The following FMNL3 variants were observed in gnomAD, a reference collection of about 807,000 sequenced individuals.
FMNL3 encodes formin-like protein 3.
FMNL3 carries 57 observed loss-of-function variants against 119.6 expected under a neutral mutation model. That is an observed-to-expected ratio of 0.48 (90% CI 0.39 to 0.59). FMNL3 has a LOEUF of 0.59. FMNL3 is among the 20% of genes least tolerant of loss of function. The pLI is 0.00. For synonymous variants in FMNL3, 491 were observed against 507.3 expected (o/e 0.97, Z 0.43); for missense variants, 1,053 against 1,323.5 (o/e 0.80, Z 3.17).
At chr12:49,669,831 CAACAAAACAAAACAA>C (rs58452472) in intron 1 of FMNL3, among the ~76,000 whole-genome samples, 34 of 147,714 alleles carry the variant, frequency 2.3e-4, no homozygotes, top group African/African-American at 6.8e-4. Flanking sequence ...GATTCTATCT[CAACAAAACAAAACAA>C]AACAAAACAA....
intron 1 of FMNL3, 123 bp from the exon 2 acceptor site, chr12:49,668,677 A>C (rs993684306): frequency 2.6e-6 from 2 of 769,300 alleles, no homozygotes; most frequent in African/African-American, 3.5e-5. Context: ...TCCATCGCTG[A>C]TAAGGCAGGC....
At chr12:49,650,566 G>A in intron 17 of FMNL3, 110 bp downstream of exon 17, 1 of 1,223,206 alleles carries the variant, frequency 8.2e-7, no homozygotes, top group Non-Finnish European at 1.2e-6. Context: ...CTAGGGGGAT[G>A]TGAGGGAGTT....
chr12:49,701,522 A>G (rs1944909106), intron 1 of FMNL3, among the ~76,000 whole-genome samples: 1 of 152,242 alleles, frequency 6.6e-6, no homozygotes, highest in African/African-American at 2.4e-5. Context: ...TCATCACAGC[A>G]TTGTTTATGA....
At position 49,707,182 on chromosome 12, in the gene FMNL3, G is replaced by A. The variant is rs767642909; in HGVS notation, c.-2C>T. ...CTCGGCGCTCTCCAGGTTGCCCATCGCGGCGGGGCCCCCTCAGGGGCCTCG... is the reference window on the plus strand; with the variant it reads ...CTCGGCGCTCTCCAGGTTGCCCATCACGGCGGGGCCCCCTCAGGGGCCTCG... On this transcript the variant is annotated 5_prime_UTR_variant, in exon 1 of 26. Transcript: ENST00000335154. 8.4e-6 allele frequency: 13 copies of A among 1,548,064 alleles called. No individual in the cohort carries two copies. Among genetic ancestry groups the A allele is most frequent in the African/African-American group, 2.8e-5 (2 of 71,482 alleles).
chr12:49,687,384 G>T (rs1198358792), intron 1 of FMNL3, among the ~76,000 whole-genome samples: 1 of 151,804 alleles, frequency 6.6e-6, no homozygotes, highest in African/African-American at 2.4e-5. Context: ...GAGCCACCGC[G>T]CCTGGCCCCT....
intron 21 of FMNL3, 64 bp downstream of exon 21, chr12:49,648,965 T>C (rs969466645): frequency 2.1e-5 from 32 of 1,524,700 alleles, no homozygotes; most frequent in Non-Finnish European, 2.6e-5. Flanking sequence ...TCTCTCCTCA[T>C]AGCTTCCTGG....
At chr12:49,694,970 A>C (rs1944713739) in intron 1 of FMNL3, among the ~76,000 whole-genome samples, 1 of 152,158 alleles carries the variant, frequency 6.6e-6, no homozygotes, top group African/African-American at 2.4e-5. Context: ...TGAAGTTAAA[A>C]AACTTTTTCT....
At chr12:49,694,242 A>T (rs976452192) in intron 1 of FMNL3, among the ~76,000 whole-genome samples, 1 of 152,224 alleles carries the variant, frequency 6.6e-6, no homozygotes, top group Non-Finnish European at 1.5e-5. Context: ...TGAAATCAGC[A>T]AGACTTACTC....
At chr12:49,655,614 G>A (rs747615026) in intron 9 of FMNL3, among the ~76,000 whole-genome samples, 1 of 152,150 alleles carries the variant, frequency 6.6e-6, no homozygotes, top group Non-Finnish European at 1.5e-5. Context: ...AGGAGGGAAA[G>A]AAGGAGGAAG....
In FMNL3 at chr12:49,656,860, T is replaced by C; in HGVS notation, c.754A>G (p.Asn252Asp). 1 of 1,614,070 alleles carries C rather than the reference T, an allele frequency of 6.2e-7. No homozygotes were observed. The highest frequency in any genetic ancestry group is 8.5e-7 in the Non-Finnish European group (1 of 1,179,996). Residue 252 changes from asparagine to aspartate, a missense_variant, in exon 8 of 26, where the codon AAT becomes GAT. Physicochemically the swap from Asn to Asp is conservative, Grantham distance 23. Transcript: ENST00000335154. ...TTATTGAGGCTAAGTGCAATCTCAT[T>C]GACAGCATGGGGGTGGGACATGACC... is the stretch of plus-strand genomic sequence containing the variant. ...NLVMSHPHAV[N>D]EIALSLNNKN...
chr12:49,665,379 A>G (rs1182219275), intron 4 of FMNL3, among the ~76,000 whole-genome samples: 1 of 152,176 alleles, frequency 6.6e-6, no homozygotes, highest in Non-Finnish European at 1.5e-5. Flanking sequence ...ATGAACTAAG[A>G]TTATCTTCTC....
Position 49,637,496 on chromosome 12 carries a change from A to G in FMNL3, c.*8319T>C, listed in dbSNP as rs1228373915. ...CCTTCCTGGACGAGCTGCATGAGAC[A>G]GGGCAGCTGCACTCTATGTCCACCT... is the stretch of plus-strand genomic sequence containing the variant. On this transcript the variant is annotated 3_prime_UTR_variant, in exon 26 of 26. Transcript: ENST00000335154. 1 of 1,613,644 alleles carries G rather than the reference A, an allele frequency of 6.2e-7. No homozygotes were observed. The highest frequency in any genetic ancestry group is 1.7e-5 in the Admixed American group (1 of 60,020).
intron 9 of FMNL3, among the ~76,000 whole-genome samples, chr12:49,655,581 G>C (rs180863015): frequency 1.8e-3 from 274 of 152,266 alleles, no homozygotes; most frequent in Middle Eastern, 6.8e-3. Flanking sequence ...ATAGGGGTCT[G>C]ATGCTGCCAA....
intron 1 of FMNL3, among the ~76,000 whole-genome samples, chr12:49,675,285 G>C (rs1288875497): frequency 6.6e-6 from 1 of 152,224 alleles, no homozygotes; most frequent in Non-Finnish European, 1.5e-5. Context: ...ACAGCAACTT[G>C]ATCTGTCTAT....
chr12:49,658,325 G>A, intron 6 of FMNL3, 117 bp downstream of exon 6: 1 of 1,400,244 alleles, frequency 7.1e-7, no homozygotes. Flanking sequence ...CAGAGGGCAA[G>A]AGAGCTGAGC....
Position 49,651,937 on chromosome 12 carries a change from T to A in FMNL3, c.1599A>T (p.Leu533Phe). The change falls in exon 14 of 26, where the codon TTA (leucine) becomes TTT (phenylalanine). Residue 533 changes from leucine (L) to phenylalanine (F), a missense_variant. Coordinates refer to ENST00000335154, the MANE Select transcript of FMNL3 (RefSeq NM_175736.5). ...APPLPPPPPP[L>F]PDKCPPAPPL... The stretch of plus-strand genomic sequence containing the variant: ...CCCAGGGGTCGTCGTGGTTACCTGG[T>A]AATGGGGGAGGTGGAGGGGGCAAGG... 1 of 1,586,286 alleles carries A rather than the reference T, an allele frequency of 6.3e-7. No homozygotes were observed. Among genetic ancestry groups the A allele is most frequent in the Non-Finnish European group, 8.6e-7 (1 of 1,163,598 alleles).
intron 1 of FMNL3, among the ~76,000 whole-genome samples, chr12:49,699,490 T>C (rs527514996): frequency 5.0e-4 from 76 of 152,296 alleles, no homozygotes; most frequent in Middle Eastern, 3.4e-3. Context: ...CCACCTGGAC[T>C]GTCCCAGCTG....
Position 49,642,396 on chromosome 12 carries a change from A to G in FMNL3, c.*3419T>C. On this transcript the variant is annotated 3_prime_UTR_variant, in exon 26 of 26. Transcript: ENST00000335154. This position sits in a 1 kb window ranked among gnomAD's most constrained non-coding sequence, Gnocchi z 5.8. ...AGGTCAGGAGCGTAGCCTGGCCCCA[A>G]GCACCCCTCAAGCCTGAGGGCAGCG... The G allele has an allele frequency of 6.2e-7, 1 of 1,612,118 alleles. No homozygotes were observed. The highest frequency in any genetic ancestry group is 1.1e-5 in the South Asian group (1 of 91,010).
At chr12:49,700,346 C>T (rs1267659614) in intron 1 of FMNL3, among the ~76,000 whole-genome samples, 1 of 141,198 alleles carries the variant, frequency 7.1e-6, no homozygotes, top group Non-Finnish European at 1.5e-5. Flanking sequence ...GAGCCGAGAT[C>T]GAGCCACTGC....
Sources: allele counts gnomAD v4.1 joint callset (sites outside exome capture counted in the v4.1 genomes callset), GRCh38; gene constraint gnomAD v4.1.1; non-coding constraint Gnocchi (gnomAD v3.1); transcripts MANE v1.5; gene names NCBI Gene and HGNC (gene_info 2026-07-23, HGNC 2026-07-21).